Variants in LCOR observed in about 807,000 individuals in gnomAD.
The protein encoded by LCOR is ligand dependent nuclear receptor corepressor.
Under a neutral mutation model 64.4 loss-of-function variants are expected in LCOR, and 14 were observed. The ratio of observed to expected loss-of-function variants is 0.22; its 90% CI spans 0.14 to 0.34. LCOR has a LOEUF of 0.34. Among genes scored for constraint, LCOR ranks in the 10% least tolerant of loss-of-function variants. The probability of loss-of-function intolerance (pLI) is 1.00; values close to 1 mark genes in which losing one functional copy is unlikely to be tolerated. For missense variants in LCOR, 1,686 were observed against 1,765.3 expected (o/e 0.96, Z 0.80); for synonymous variants, 643 against 642.5 (o/e 1.00, Z -0.01).
At chr10:96,842,374 C>G (rs1845556144) in intron 2 of LCOR, among the ~76,000 whole-genome samples, 1 of 151,934 alleles carries the variant, frequency 6.6e-6, no homozygotes, top group Non-Finnish European at 1.5e-5. Flanking sequence ...AGCCTGGTGA[C>G]AGATCAAGGC....
At position 96,982,353 on chromosome 10, in the gene LCOR, A is replaced by C; in HGVS notation, c.1893A>C (p.Glu631Asp). The C allele has an allele frequency of 6.2e-7, 1 of 1,614,236 alleles. No homozygotes were observed. The highest frequency in any genetic ancestry group is 8.5e-7 in the Non-Finnish European group (1 of 1,180,024). ...PAHLPEEDLPEGGSTVSAPTA... is the reference protein window; with the variant it reads ...PAHLPEEDLPDGGSTVSAPTA... ...ACCTTCCTGAAGAGGACCTGCCAGA[A>C]GGTGGCTCCACAGTCTCAGCTCCCA... Residue 631 changes from glutamate (E) to aspartate (D), a missense_variant, in exon 8 of 8, where the codon GAA becomes GAC. By Grantham distance (45) the Glu-to-Asp change is conservative. Around this residue, in one of 3 missense-constraint regions of LCOR, gnomAD observed 1,293 missense variants for 1,410.4 expected, o/e 0.92. Transcript: ENST00000421806.
intron 7 of LCOR, among the ~76,000 whole-genome samples, chr10:96,976,659 TGAAG>T (rs1404446859): frequency 1.3e-5 from 2 of 152,366 alleles, no homozygotes; most frequent in East Asian, 1.9e-4. Flanking sequence ...CTCACAATCA[TGAAG>T]GAAGTTAGAT....
In LCOR at chr10:96,983,224, G is replaced by C. The variant is rs1196391977; in HGVS notation, c.2764G>C (p.Glu922Gln). 2.5e-6 allele frequency: 4 copies of C among 1,614,048 alleles called. No homozygotes were observed. In the African/African-American group the frequency reaches 4.0e-5, roughly 16 times the overall value. The change falls in exon 8 of 8, where the codon GAG becomes CAG. Residue 922 changes from glutamate to glutamine, a missense_variant. By Grantham distance (29) the Glu-to-Gln change is conservative (BLOSUM62 2). Transcript: ENST00000421806. The surrounding 1 kb of genome is among the most constrained non-coding windows in gnomAD (Gnocchi z 4.5). ...LKNMLDKEVK[E>Q]LRGEIFPSRD... ...AAACATGCTGGACAAAGAAGTCAAG[G>C]AGTTACGAGGAGAGATTTTCCCCAG...
chr10:96,918,095 C>T (rs562893790), intron 4 of LCOR, among the ~76,000 whole-genome samples: 5 of 152,160 alleles, frequency 3.3e-5, no homozygotes, highest in South Asian at 2.1e-4. Flanking sequence ...TTTGAGCAAA[C>T]GAAGTTTCTA....
At chr10:96,958,120 C>A in intron 7 of LCOR, 1 of 1,161,650 alleles carries the variant, frequency 8.6e-7, no homozygotes, top group East Asian at 4.0e-5. Context: ...AGCCATAGTA[C>A]CTTTTTGCGT....
intron 4 of LCOR, among the ~76,000 whole-genome samples, chr10:96,930,239 C>A (rs1214773179): frequency 6.6e-6 from 1 of 152,128 alleles, no homozygotes; most frequent in Non-Finnish European, 1.5e-5. Flanking sequence ...TGCCATTGAT[C>A]TATATGTCTG....
chr10:96,956,186 T>C (rs1847770330), intron 7 of LCOR: 2 of 1,202,306 alleles, frequency 1.7e-6, no homozygotes, highest in Non-Finnish European at 2.1e-6. Context: ...AGAGAACAGA[T>C]ACATGGAAGT....
chr10:96,983,507 C>T lies in LCOR; in HGVS notation c.3047C>T (p.Ser1016Leu), dbSNP rs759673171. 1.9e-6 allele frequency: 3 copies of T among 1,613,970 alleles called. No individual in the cohort carries two copies. The highest frequency in any genetic ancestry group is 2.2e-5 in the East Asian group (1 of 44,858). The part of the protein sequence containing the change: ...SDAPCSSLGL[S>L]SSGSGDAARA... ...GCCCCATGCAGCTCTCTTGGGTTGT[C>T]GAGTAGTGGAAGTGGTGATGCTGCT... The change falls in exon 8 of 8, where the codon TCG becomes TTG. Residue 1016 changes from serine to leucine, a missense_variant. Coordinates refer to ENST00000421806, the MANE Select transcript of LCOR (RefSeq NM_001346516.2). This position sits in a 1 kb window ranked among gnomAD's most constrained non-coding sequence, Gnocchi z 4.5.
rs745799153 is a variant in LCOR at position 96,981,835 on chromosome 10, T to G, written c.1375T>G (p.Ser459Ala). 6.2e-7 allele frequency: 1 copy of G among 1,614,206 alleles called. No homozygotes were observed. Among genetic ancestry groups the G allele is most frequent in the Admixed American group, 1.7e-5 (1 of 60,028 alleles). ...GACAGCTCGGAAAAGTAAAAGGGCA[T>G]CAGGGCTGAGGATAAATGATTATGA... Reference protein sequence around the residue: ...IKTARKSKRASGLRINDYDNQ... With the variant: ...IKTARKSKRAAGLRINDYDNQ... Residue 459 changes from serine to alanine, a missense_variant, in exon 8 of 8, where the codon TCA (serine) becomes GCA (alanine). Around this residue, in one of 3 missense-constraint regions of LCOR, gnomAD observed 1,293 missense variants for 1,410.4 expected, o/e 0.92. Coordinates refer to ENST00000421806, the MANE Select transcript of LCOR (RefSeq NM_001346516.2).
rs1039020749 is a variant in LCOR, at chr10:96,842,570, G to A, written c.-330+9091G>A. Among the ~76,000 whole-genome samples, 15 of 150,946 alleles carry A rather than the reference G, an allele frequency of 9.9e-5. 1 individual carries two copies. The highest frequency in any genetic ancestry group is 3.3e-4 in the Admixed American group (5 of 15,138). On this transcript the variant is annotated intron_variant, in intron 2 of 7. Coordinates refer to ENST00000421806, the MANE Select transcript of LCOR (RefSeq NM_001346516.2). Reference sequence around the variant, plus strand: ...ATATAGTAACAGGCTCCTCTGGTACGTTTAGAATGATCAGTTGATACAAAA... The same window carrying A: ...ATATAGTAACAGGCTCCTCTGGTACATTTAGAATGATCAGTTGATACAAAA...
In LCOR at chr10:96,910,529, G is replaced by A. The variant is rs549338777; in HGVS notation, c.-184+2782G>A. Among the ~76,000 whole-genome samples, 24 of 152,310 alleles carry A rather than the reference G, an allele frequency of 1.6e-4. 1 individual carries two copies. The South Asian group carries it at 5.0e-3, about 32-fold the overall frequency. ...TAAAGTGTTTATATTGGAACTCTTT[G>A]CAGTCACTTGGAGCATCTTGTCCGA... is the stretch of plus-strand genomic sequence containing the variant. On this transcript the variant is annotated intron_variant, in intron 4 of 7. Transcript: ENST00000421806.
intron 2 of LCOR, among the ~76,000 whole-genome samples, chr10:96,853,931 G>A (rs1476337407): frequency 6.6e-6 from 1 of 152,082 alleles, no homozygotes; most frequent in African/African-American, 2.4e-5. Context: ...GATCTTATAA[G>A]ACTCCCCCAT....
intron 4 of LCOR, among the ~76,000 whole-genome samples, chr10:96,922,567 A>G (rs1847098754): frequency 6.6e-6 from 1 of 152,242 alleles, no homozygotes; most frequent in Non-Finnish European, 1.5e-5. Context: ...ATTGAAATTC[A>G]GGGAACCTTC....
chr10:96,854,753 A>G (rs1278024793), intron 2 of LCOR, among the ~76,000 whole-genome samples: 1 of 152,242 alleles, frequency 6.6e-6, no homozygotes, highest in Non-Finnish European at 1.5e-5. Context: ...GAAACAGACT[A>G]GAAAAATAAT....
intron 7 of LCOR, 131 bp downstream of exon 7, chr10:96,952,327 C>A: frequency 3.3e-6 from 2 of 608,446 alleles, no homozygotes; most frequent in South Asian, 2.2e-5. Context: ...GACCATAGAT[C>A]AAATAAAAAT....
intron 2 of LCOR, among the ~76,000 whole-genome samples, chr10:96,892,804 A>C (rs1345392758): frequency 2.0e-5 from 3 of 151,648 alleles, no homozygotes; most frequent in African/African-American, 7.3e-5. Flanking sequence ...TTCACCTTCA[A>C]CCTCTTTGTG....
chr10:96,984,856 A>G lies in LCOR; in HGVS notation c.4396A>G (p.Lys1466Glu). ...KVKIPKKSAGKSCPPSRKEKE... is the reference protein window; with the variant it reads ...KVKIPKKSAGESCPPSRKEKE... ...GAAGATCCCTAAAAAGTCCGCTGGG[A>G]AGAGCTGCCCTCCCTCCAGGAAAGA... The change falls in exon 8 of 8, where the codon AAG becomes GAG. Residue 1466 changes from lysine to glutamate, a missense_variant. By Grantham distance (56) the Lys-to-Glu change is moderately conservative (BLOSUM62 1). Transcript: ENST00000421806. The G allele has an allele frequency of 2.5e-6, 4 of 1,614,164 alleles. No homozygotes were observed. The highest frequency in any genetic ancestry group is 1.3e-5 in the African/African-American group (1 of 75,052).
chr10:96,932,832 A>T (rs1204957668), intron 4 of LCOR, among the ~76,000 whole-genome samples: 1 of 152,248 alleles, frequency 6.6e-6, no homozygotes, highest in African/African-American at 2.4e-5. Context: ...GAACACTGCA[A>T]GTGGGAATAC....
At chr10:96,939,957 C>T (rs370045364) in intron 4 of LCOR, among the ~76,000 whole-genome samples, 145 of 152,214 alleles carry the variant, frequency 9.5e-4, no homozygotes, top group South Asian at 2.3e-3. Flanking sequence ...AGTGAGACTC[C>T]GTCTCAAAAA....
Sources: gnomAD v4.1 joint callset for allele counts (sites outside exome capture counted in the v4.1 genomes callset) on GRCh38, gnomAD v4.1.1 for gene constraint, gnomAD v4.1.1 regional missense constraint, Gnocchi (gnomAD v3.1) non-coding constraint, MANE v1.5 for transcripts, NCBI Gene and HGNC (gene_info 2026-07-23, HGNC 2026-07-21) for gene names.